Variants in MICU3 observed in about 807,000 individuals in gnomAD.
The protein encoded by MICU3 is calcium uptake protein 3, mitochondrial.
MICU3 carries 62 observed loss-of-function variants against 66.5 expected under a neutral mutation model. That is an observed-to-expected ratio of 0.93 (90% CI 0.76 to 1.15). The LOEUF (loss-of-function observed/expected upper bound fraction) is 1.15, where lower values mean the gene tolerates loss of function less well. MICU3 is among the 50% of genes most tolerant of loss of function. The pLI is 0.00. For synonymous variants in MICU3, 308 were observed against 240.7 expected, an observed-to-expected ratio of 1.28 and a Z score of -2.59; for missense variants, 779 against 664.4, an observed-to-expected ratio of 1.17 and a Z score of -1.90.
chr8:17,047,736 A>G (rs1433166865), intron 1 of MICU3, among the ~76,000 whole-genome samples: 1 of 152,212 alleles, frequency 6.6e-6, no homozygotes, highest in Non-Finnish European at 1.5e-5. Flanking sequence ...TTTAGGAATG[A>G]GAACAAAATA....
At chr8:17,053,541 A>G (rs1469095365) in intron 1 of MICU3, among the ~76,000 whole-genome samples, 1 of 152,210 alleles carries the variant, frequency 6.6e-6, no homozygotes, top group South Asian at 2.1e-4. Flanking sequence ...GAAATTCCAG[A>G]GAAGATAATT....
intron 11 of MICU3, among the ~76,000 whole-genome samples, chr8:17,108,902 C>T (rs1801969971): frequency 6.6e-6 from 1 of 152,164 alleles, no homozygotes; most frequent in Non-Finnish European, 1.5e-5. Context: ...ATCCTCCTAG[C>T]TCACTCTGCA....
chr8:17,102,269 C>T (rs761634520), intron 9 of MICU3, among the ~76,000 whole-genome samples: 3 of 151,820 alleles, frequency 2.0e-5, no homozygotes, highest in Non-Finnish European at 4.4e-5. Flanking sequence ...GGAGTAACCT[C>T]TGAAATATTT....
intron 2 of MICU3, among the ~76,000 whole-genome samples, chr8:17,066,405 T>C (rs768764212): frequency 8.3e-4 from 125 of 151,300 alleles, no homozygotes; most frequent in Non-Finnish European, 1.2e-3. Flanking sequence ...AGGTACACAA[T>C]AAATATTTCT....
chr8:17,117,520 A>G (rs955715405), intron 13 of MICU3, among the ~76,000 whole-genome samples: 1 of 152,180 alleles, frequency 6.6e-6, no homozygotes, highest in Non-Finnish European at 1.5e-5. Context: ...ATGTGCCACA[A>G]ATAGAAAAAG....
chr8:17,100,535 T>C (rs1801165975), intron 9 of MICU3, among the ~76,000 whole-genome samples: 1 of 151,718 alleles, frequency 6.6e-6, no homozygotes, highest in African/African-American at 2.4e-5. Context: ...GAATTGTTTA[T>C]AGTATTAGTA....
intron 1 of MICU3, among the ~76,000 whole-genome samples, chr8:17,030,710 G>T (rs1473968506): frequency 2.0e-5 from 3 of 152,178 alleles, no homozygotes; most frequent in Admixed American, 6.5e-5. Flanking sequence ...ATATACTTAG[G>T]TATTGTTATC....
chr8:17,072,158 G>A (rs919031568), intron 3 of MICU3, among the ~76,000 whole-genome samples: 1 of 151,984 alleles, frequency 6.6e-6, no homozygotes, highest in Non-Finnish European at 1.5e-5. Context: ...ATTAGAAATA[G>A]AGCTATAATA....
At chr8:17,036,926 C>G (rs979469139) in intron 1 of MICU3, among the ~76,000 whole-genome samples, 1 of 152,238 alleles carries the variant, frequency 6.6e-6, no homozygotes, top group Non-Finnish European at 1.5e-5. Flanking sequence ...GTGGGAGGCT[C>G]AGGCATGGCG....
In MICU3 at chr8:17,118,704, C is replaced by T; in HGVS notation, c.1525-3C>T. 1 of 1,597,914 alleles carries T rather than the reference C, an allele frequency of 6.3e-7. No homozygotes were observed. The highest frequency in any genetic ancestry group is 1.1e-5 in the South Asian group (1 of 90,130). On this transcript the variant is annotated splice_polypyrimidine_tract_variant and splice_region_variant and intron_variant, in intron 13 of 14. Coordinates refer to ENST00000318063, the MANE Select transcript of MICU3 (RefSeq NM_181723.3). ...TTGCACACTTTGCTCTTCTGTTTTA[C>T]AGGGTTATAAAACAGTCCAGAAGTA...
chr8:17,089,082 ATTTG>A (rs1408243186), intron 7 of MICU3, among the ~76,000 whole-genome samples: 3 of 151,954 alleles, frequency 2.0e-5, no homozygotes, highest in Non-Finnish European at 4.4e-5. Flanking sequence ...ATAATATATA[ATTTG>A]TTTATTTATA....
At chr8:17,029,678 C>T (rs1055751542) in intron 1 of MICU3, among the ~76,000 whole-genome samples, 5 of 152,068 alleles carry the variant, frequency 3.3e-5, no homozygotes, top group African/African-American at 1.2e-4. Flanking sequence ...CTTTTATGAT[C>T]TGTTTATCCC....
chr8:17,027,822 T>G (rs546608706), intron 1 of MICU3, among the ~76,000 whole-genome samples, 162 bp downstream of exon 1: 1 of 152,266 alleles, frequency 6.6e-6, no homozygotes, highest in South Asian at 2.1e-4. Flanking sequence ...TAGGATCCGG[T>G]CACCCACGTA....
chr8:17,060,766 A>C (rs1325757802), intron 1 of MICU3, among the ~76,000 whole-genome samples: 1 of 151,682 alleles, frequency 6.6e-6, no homozygotes, highest in African/African-American at 2.4e-5. Flanking sequence ...GCCTCTGGTT[A>C]TCTCTTTTAT....
At chr8:17,119,158 C>A (rs1041402975) in intron 14 of MICU3, among the ~76,000 whole-genome samples, 3 of 152,088 alleles carry the variant, frequency 2.0e-5, no homozygotes, top group Non-Finnish European at 1.5e-5. Flanking sequence ...TCACAGATAT[C>A]CCATTTAACA....
At chr8:17,069,202 T>C (rs925300730) in intron 2 of MICU3, among the ~76,000 whole-genome samples, 1 of 152,160 alleles carries the variant, frequency 6.6e-6, no homozygotes, top group Non-Finnish European at 1.5e-5. Flanking sequence ...CTTTCTTTTT[T>C]TCTTTCCCCA....
intron 2 of MICU3, among the ~76,000 whole-genome samples, chr8:17,069,041 G>T (rs1819145726): frequency 6.6e-6 from 1 of 152,098 alleles, no homozygotes. Context: ...TGAGATCTTT[G>T]GGGGTGTGAG....
rs11345470 is a variant in MICU3, at chr8:17,060,296, CTT to C, written c.382-3775_382-3774del. Among the ~76,000 whole-genome samples, 796 of 145,568 alleles carry C rather than the reference CTT, an allele frequency of 5.5e-3. 8 individuals are homozygous for C. Among genetic ancestry groups the C allele is most frequent in the African/African-American group, 0.019 (748 of 39,796 alleles). On this transcript the variant is annotated intron_variant, in intron 1 of 14. Coordinates refer to ENST00000318063, the MANE Select transcript of MICU3 (RefSeq NM_181723.3). The stretch of plus-strand genomic sequence containing the variant: ...TGGGTTATCATGGGGAAACTGTTTA[CTT>C]TTTTTTTTTTTTCTTTGAGACAGAG...
At chr8:17,114,980 G>T (rs539600027) in intron 12 of MICU3, among the ~76,000 whole-genome samples, 1 of 151,224 alleles carries the variant, frequency 6.6e-6, no homozygotes, top group African/African-American at 2.4e-5. Flanking sequence ...TTAGCCGGGC[G>T]TAGTGGCGGG....
Sources: allele counts gnomAD v4.1 joint callset (sites outside exome capture counted in the v4.1 genomes callset), GRCh38; gene constraint gnomAD v4.1.1; transcripts MANE v1.5; gene names NCBI Gene and HGNC (gene_info 2026-07-23, HGNC 2026-07-21).